The following BIRC6 variants were observed in gnomAD, a reference collection of about 807,000 sequenced individuals.
BIRC6 encodes the protein dual E2 ubiquitin-conjugating enzyme/E3 ubiquitin-protein ligase BIRC6.
A neutral mutation model predicts 503.3 loss-of-function variants in BIRC6; 98 were observed. The ratio of observed to expected loss-of-function variants is 0.19; its 90% confidence interval spans 0.17 to 0.23. The LOEUF is 0.23. BIRC6 is among the 10% of genes least tolerant of loss of function. BIRC6 has a pLI of 1.00. For synonymous variants in BIRC6, 2,240 were observed against 2,078.7 expected, an observed-to-expected ratio of 1.08 and a Z score of -2.11; for missense variants, 5,360 against 5,806.0, an observed-to-expected ratio of 0.92 and a Z score of 2.50.
intron 56 of BIRC6, 27 bp downstream of exon 56, chr2:32,518,424 C>T: frequency 6.3e-7 from 1 of 1,591,244 alleles, no homozygotes; most frequent in South Asian, 1.2e-5. Flanking sequence ...TAATCATTGG[C>T]TGTGTATACA....
intron 26 of BIRC6, among the ~76,000 whole-genome samples, chr2:32,467,120 A>G (rs1199903359): frequency 1.4e-5 from 2 of 142,986 alleles, no homozygotes; most frequent in Non-Finnish European, 3.1e-5. Context: ...CTCCGTCTCA[A>G]AAAAAAAAAA....
chr2:32,434,628 A>G (rs1218736299), intron 13 of BIRC6, among the ~76,000 whole-genome samples: 1 of 152,214 alleles, frequency 6.6e-6, no homozygotes, highest in African/African-American at 2.4e-5. Flanking sequence ...CAGGAGGATC[A>G]CTTTAGCCCA....
chr2:32,429,013 G>T, intron 10 of BIRC6, 133 bp from the exon 11 acceptor site: 3 of 766,810 alleles, frequency 3.9e-6, no homozygotes, highest in Non-Finnish European at 5.7e-6. Context: ...TAAACTCTTG[G>T]AAATACATCA....
In BIRC6 at chr2:32,370,966, A is replaced by G. The variant is rs145609727; in HGVS notation, c.326-6622A>G. Among the ~76,000 whole-genome samples, 1,146 of 152,268 alleles carry G rather than the reference A, an allele frequency of 7.5e-3. 8 individuals carry two copies. Among genetic ancestry groups the G allele is most frequent in the Middle Eastern group, 0.02 (6 of 294 alleles). On this transcript the variant is annotated intron_variant, in intron 1 of 73. Coordinates refer to ENST00000421745, the MANE Select transcript of BIRC6 (RefSeq NM_016252.4). Reference sequence around the variant, plus strand: ...GTTGTACATTATTTCTTAAAGTATTAGAATTGGTAACTAATTAAAATTTCT... The same window carrying G: ...GTTGTACATTATTTCTTAAAGTATTGGAATTGGTAACTAATTAAAATTTCT...
intron 37 of BIRC6, among the ~76,000 whole-genome samples, chr2:32,480,477 T>A (rs1483791700): frequency 6.6e-6 from 1 of 152,066 alleles, no homozygotes; most frequent in Non-Finnish European, 1.5e-5. Context: ...TCTATAAAGT[T>A]ATGTTGAATA....
At chr2:32,561,716 T>C (rs2059199387) in intron 65 of BIRC6, among the ~76,000 whole-genome samples, 1 of 148,214 alleles carries the variant, frequency 6.7e-6, no homozygotes, top group African/African-American at 2.5e-5. Flanking sequence ...AATAATGCTT[T>C]AATCATGTAT....
chr2:32,525,720 A>C, intron 59 of BIRC6, 92 bp downstream of exon 59: 3 of 1,299,508 alleles, frequency 2.3e-6, no homozygotes, highest in Non-Finnish European at 3.2e-6. Flanking sequence ...CATTTTAATC[A>C]GGTGCCATTG....
At chr2:32,531,582 A>G in intron 61 of BIRC6, 31 bp downstream of exon 61, 1 of 1,534,392 alleles carries the variant, frequency 6.5e-7, no homozygotes, top group South Asian at 1.2e-5. Context: ...CGAGTATATC[A>G]TTCCATAGCT....
intron 38 of BIRC6, 88 bp from the exon 39 acceptor site, chr2:32,482,341 A>G: frequency 8.2e-7 from 1 of 1,224,446 alleles, no homozygotes; most frequent in Non-Finnish European, 1.1e-6. Context: ...TTTATTTTGT[A>G]GTTCTGTTTG....
At chr2:32,447,372 G>A (rs879407865) in intron 21 of BIRC6, among the ~76,000 whole-genome samples, 697 of 122,660 alleles carry the variant, frequency 5.7e-3, no homozygotes, top group Middle Eastern at 0.043. Flanking sequence ...GCGGCTGGCC[G>A]GGCGGGGGGC....
intron 9 of BIRC6, among the ~76,000 whole-genome samples, chr2:32,410,008 T>A (rs1014820772): frequency 6.6e-6 from 1 of 152,196 alleles, no homozygotes. Context: ...CTTGTAATAT[T>A]TTCCTTTTTA....
At position 32,411,285 on chromosome 2, in the gene BIRC6, C is replaced by T. The variant is rs562136302; in HGVS notation, c.1478-3484C>T. On this transcript the variant is annotated intron_variant, in intron 9 of 73. Coordinates refer to ENST00000421745, the MANE Select transcript of BIRC6 (RefSeq NM_016252.4). Reference sequence around the variant, plus strand: ...AACTCCTGACCTCAGGTGATCCACCCGCCTCACCCTGCCAAAGTGCTGGGA... The same window carrying T: ...AACTCCTGACCTCAGGTGATCCACCTGCCTCACCCTGCCAAAGTGCTGGGA... 6.1e-4 allele frequency among the ~76,000 whole-genome samples: 92 copies of T among 151,748 alleles called. 1 individual carries two copies. Among genetic ancestry groups the T allele is most frequent in the Non-Finnish European group, 1.0e-3 (68 of 67,918 alleles).
At chr2:32,481,529 G>T (rs2050399507) in intron 38 of BIRC6, 76 bp downstream of exon 38, 10 of 1,180,106 alleles carry the variant, frequency 8.5e-6, no homozygotes, top group Non-Finnish European at 1.0e-5. Flanking sequence ...CACTTTGGGA[G>T]GCCAAGGTGG....
intron 33 of BIRC6, among the ~76,000 whole-genome samples, chr2:32,473,662 A>C (rs966242139): frequency 1.5e-5 from 2 of 131,648 alleles, no homozygotes; most frequent in African/African-American, 5.9e-5. Context: ...TAGCTTCCAG[A>C]TTTTAATTTT....
intron 46 of BIRC6, among the ~76,000 whole-genome samples, chr2:32,500,605 T>G (rs1450164421): frequency 1.8e-5 from 2 of 109,958 alleles, no homozygotes; most frequent in Non-Finnish European, 4.0e-5. Flanking sequence ...TTTTTGTTTT[T>G]GTTTTTTTTT....
chr2:32,386,442 C>CTTTTT (rs752857568), intron 3 of BIRC6, among the ~76,000 whole-genome samples: 1 of 147,820 alleles, frequency 6.8e-6, no homozygotes, highest in Non-Finnish European at 1.5e-5. Flanking sequence ...AAGTCTCTCT[C>CTTTTT]TCTTTTTTTT....
In BIRC6 at chr2:32,440,751, T is replaced by TTTTTTATTATTATTATTA. The variant is rs773312894; in HGVS notation, c.3811-576_3811-575insTTTATTATTATTATTATT. 2.3e-3 allele frequency among the ~76,000 whole-genome samples: 336 copies of TTTTTTATTATTATTATTA among 147,178 alleles called. 2 individuals are homozygous for TTTTTTATTATTATTATTA. Among genetic ancestry groups the TTTTTTATTATTATTATTA allele is most frequent in the Admixed American group, 6.4e-3 (94 of 14,732 alleles). On this transcript the variant is annotated intron_variant, in intron 16 of 73. Coordinates refer to ENST00000421745, the MANE Select transcript of BIRC6 (RefSeq NM_016252.4). ...TATTTTATTTTATTGTGTTTATTTA[T>TTTTTTATTATTATTATTA]TTATTATTATTATTATTATTATTAT...
At chr2:32,500,785 AGTAGAG>A (rs2053092675) in intron 46 of BIRC6, among the ~76,000 whole-genome samples, 1 of 151,534 alleles carries the variant, frequency 6.6e-6, no homozygotes, top group East Asian at 1.9e-4. Context: ...TTTTGTATTT[AGTAGAG>A]ATGGGGTTAT....
At chr2:32,430,832 C>T in intron 11 of BIRC6, 33 bp from the exon 12 acceptor site, 2 of 646,838 alleles carry the variant, frequency 3.1e-6, no homozygotes, top group South Asian at 2.1e-5. Flanking sequence ...TTTTTCCACA[C>T]CTATTTCAAA....
Sources: allele counts gnomAD v4.1 joint callset (sites outside exome capture counted in the v4.1 genomes callset), GRCh38; gene constraint gnomAD v4.1.1; transcripts MANE v1.5; gene names NCBI Gene and HGNC (gene_info 2026-07-23, HGNC 2026-07-21).